Variants in ETV6 observed in about 807,000 individuals in gnomAD.
The protein encoded by ETV6 is transcription factor ETV6.
ETV6 carries 16 observed loss-of-function variants against 51.1 expected under a neutral mutation model. The observed-to-expected ratio is 0.31, with a 90% confidence interval of 0.21 to 0.48. ETV6 has a LOEUF of 0.48. ETV6 is among the 20% of genes least tolerant of loss of function. The pLI, the probability that ETV6 is intolerant of heterozygous loss-of-function variation, is 0.99. For synonymous variants in ETV6, 240 were observed against 224.1 expected (o/e 1.07, Z -0.64); for missense variants, 458 against 594.8 (o/e 0.77, Z 2.39).
chr12:11,652,943 C>T (rs796290026), intron 1 of ETV6, among the ~76,000 whole-genome samples: 2 of 152,124 alleles, frequency 1.3e-5, no homozygotes, highest in African/African-American at 2.4e-5. Context: ...ACACTTTTTA[C>T]GGTAGAAGAG....
intron 2 of ETV6, among the ~76,000 whole-genome samples, chr12:11,769,442 GA>G (rs201980457): frequency 1.3e-3 from 178 of 140,966 alleles, no homozygotes; most frequent in South Asian, 3.6e-3. Flanking sequence ...AATCTGAGAA[GA>G]AAAAAAAAAA....
chr12:11,669,538 G>T (rs1038645055), intron 1 of ETV6, among the ~76,000 whole-genome samples: 1 of 151,702 alleles, frequency 6.6e-6, no homozygotes, highest in East Asian at 1.9e-4. Context: ...TCCCAGGCTC[G>T]CCTGCTTTTC....
chr12:11,868,391 GGAGTGTCAT>G (rs1186025584), intron 4 of ETV6, among the ~76,000 whole-genome samples: 7 of 151,018 alleles, frequency 4.6e-5, no homozygotes, highest in African/African-American at 1.7e-4. Flanking sequence ...CTCTTGGTTA[GGAGTGTCAT>G]GAGTGTCATA....
rs74060868 is a variant in ETV6, at chr12:11,826,930, C to A, written c.164-12210C>A. 7.4e-3 allele frequency among the ~76,000 whole-genome samples: 1,129 copies of A among 152,136 alleles called. 15 individuals are homozygous for A. The highest frequency in any genetic ancestry group is 0.026 in the African/African-American group (1,086 of 41,482). ...ATTAGTAACCTTTACAACTCTAATA[C>A]TAGGGAATATATTAATAACTGGTGA... On this transcript the variant is annotated intron_variant, in intron 2 of 7. Coordinates refer to ENST00000396373, the MANE Select transcript of ETV6 (RefSeq NM_001987.5).
At chr12:11,841,226 T>A (rs1946386338) in intron 3 of ETV6, among the ~76,000 whole-genome samples, 1 of 152,232 alleles carries the variant, frequency 6.6e-6, no homozygotes, top group South Asian at 2.1e-4. Flanking sequence ...TGAAAATCTG[T>A]CCGCAGTTCC....
chr12:11,692,300 A>G (rs1332946485), intron 1 of ETV6, among the ~76,000 whole-genome samples: 2 of 152,228 alleles, frequency 1.3e-5, no homozygotes, highest in East Asian at 3.9e-4. Flanking sequence ...AGTCCCTCCT[A>G]GCGTGAAAGC....
intron 2 of ETV6, among the ~76,000 whole-genome samples, chr12:11,788,753 T>C (rs1235006687): frequency 7.4e-6 from 1 of 135,626 alleles, no homozygotes; most frequent in Non-Finnish European, 1.6e-5. Context: ...CGTGCTTGTA[T>C]TGGTTTTTTT....
chr12:11,821,789 A>G (rs766784072), intron 2 of ETV6, among the ~76,000 whole-genome samples: 1 of 152,196 alleles, frequency 6.6e-6, no homozygotes, highest in Non-Finnish European at 1.5e-5. Context: ...GCAGTGAACC[A>G]TGATCCCACC....
At chr12:11,660,321 G>A (rs1296494483) in intron 1 of ETV6, among the ~76,000 whole-genome samples, 2 of 152,142 alleles carry the variant, frequency 1.3e-5, no homozygotes, top group African/African-American at 4.8e-5. Context: ...AAAGGGAGAT[G>A]GGGCGGGGCG....
intron 1 of ETV6, among the ~76,000 whole-genome samples, chr12:11,650,504 A>AAAAAAC (rs1863882492): frequency 4.0e-4 from 38 of 94,214 alleles, no homozygotes; most frequent in African/African-American, 1.2e-3. Flanking sequence ...AACAAAAAAC[A>AAAAAAC]AAAAAAAAAA....
intron 1 of ETV6, among the ~76,000 whole-genome samples, chr12:11,700,675 A>G (rs1311598973): frequency 6.6e-6 from 1 of 152,214 alleles, no homozygotes; most frequent in Non-Finnish European, 1.5e-5. Flanking sequence ...AAATCATAGG[A>G]GAAAATATAT....
rs1444179073 is a variant in ETV6 at position 11,649,892 on chromosome 12, C to T, written c.-236C>T. ...CCGCGCCGCGCCGCGACCTGCAGAC[C>T]CCGCCGCCGCGCTCGGGCCCGTCTC... On this transcript the variant is annotated 5_prime_UTR_variant, in exon 1 of 8. Transcript: ENST00000396373. 1.3e-5 allele frequency: 2 copies of T among 153,762 alleles called. No individual in the cohort carries two copies. The highest frequency in any genetic ancestry group is 2.8e-5 in the Non-Finnish European group (2 of 70,272). The allele number at this position is 153,762 out of a possible 1,614,324, so 9.5% of individuals were successfully genotyped here.
At chr12:11,734,783 G>T (rs1321750267) in intron 1 of ETV6, among the ~76,000 whole-genome samples, 2 of 137,072 alleles carry the variant, frequency 1.5e-5, no homozygotes, top group African/African-American at 5.0e-5. Flanking sequence ...TAACTTCTAT[G>T]AAGTCACACA....
At chr12:11,868,135 T>C (rs971256796) in intron 4 of ETV6, among the ~76,000 whole-genome samples, 9 of 152,198 alleles carry the variant, frequency 5.9e-5, no homozygotes, top group Non-Finnish European at 1.2e-4. Context: ...AAAAGTTCTT[T>C]CAAGTTCAGT....
intron 1 of ETV6, among the ~76,000 whole-genome samples, chr12:11,749,220 G>C (rs1260975946): frequency 1.3e-5 from 2 of 150,528 alleles, no homozygotes; most frequent in Non-Finnish European, 1.5e-5. Context: ...TAATATCACT[G>C]TCTGTAGCAT....
intron 2 of ETV6, among the ~76,000 whole-genome samples, chr12:11,767,928 T>G (rs1945185616): frequency 6.6e-6 from 1 of 152,188 alleles, no homozygotes; most frequent in Non-Finnish European, 1.5e-5. Context: ...TGAAAATGAC[T>G]AGGATCATGG....
At chr12:11,812,311 G>A (rs1945925209) in intron 2 of ETV6, among the ~76,000 whole-genome samples, 1 of 152,154 alleles carries the variant, frequency 6.6e-6, no homozygotes, top group Admixed American at 6.5e-5. Flanking sequence ...TATTTTGGCT[G>A]TACTATGTGC....
In ETV6 at chr12:11,893,792, T is replaced by TTTTA. The variant is rs1318307879; in HGVS notation, c.*2748_*2751dup. The TTTTA allele has an allele frequency of 2.4e-5, 1 of 42,142 alleles. No homozygotes were observed. The highest frequency in any genetic ancestry group is 4.2e-5 in the Non-Finnish European group (1 of 23,884). The allele number at this position is 42,142 out of a possible 1,614,324, so 2.6% of individuals were successfully genotyped here. ...TTGTGTCCATCCCCAAGATCTCTCA[T>TTTTA]TTTATATATATATATATATATATAT... On this transcript the variant is annotated 3_prime_UTR_variant, in exon 8 of 8. Coordinates refer to ENST00000396373, the MANE Select transcript of ETV6 (RefSeq NM_001987.5).
At chr12:11,711,991 T>A (rs1247625791) in intron 1 of ETV6, among the ~76,000 whole-genome samples, 1 of 152,218 alleles carries the variant, frequency 6.6e-6, no homozygotes, top group African/African-American at 2.4e-5. Flanking sequence ...TGTTTTTTAG[T>A]CCTAAAATTC....
Sources: allele counts gnomAD v4.1 joint callset (sites outside exome capture counted in the v4.1 genomes callset), GRCh38; gene constraint gnomAD v4.1.1; transcripts MANE v1.5; gene names NCBI Gene and HGNC (gene_info 2026-07-23, HGNC 2026-07-21).